The following SND1 variants were observed in gnomAD, a reference collection of about 807,000 sequenced individuals.
SND1 encodes the protein staphylococcal nuclease and tudor domain containing 1.
SND1 carries 38 observed loss-of-function variants against 121.7 expected under a neutral mutation model. The ratio of observed to expected loss-of-function variants is 0.31; its 90% CI spans 0.24 to 0.41. The LOEUF is 0.41. SND1 is among the 10% of genes least tolerant of loss of function. The pLI is 1.00. For missense variants in SND1, 868 were observed against 1,184.6 expected (o/e 0.73, Z 3.92); for synonymous variants, 401 against 447.4 (o/e 0.90, Z 1.31).
At chr7:127,688,417 A>G (rs1258166830) in intron 2 of SND1, among the ~76,000 whole-genome samples, 2 of 152,016 alleles carry the variant, frequency 1.3e-5, no homozygotes, top group South Asian at 2.1e-4. Context: ...GTCAGAAATG[A>G]AATTTCTGGG....
At chr7:127,942,237 G>T (rs1417212939) in intron 15 of SND1, among the ~76,000 whole-genome samples, 4 of 152,132 alleles carry the variant, frequency 2.6e-5, no homozygotes, top group Admixed American at 1.3e-4. Flanking sequence ...AATAGTGTAT[G>T]CCTTCAAGGG....
intron 14 of SND1, among the ~76,000 whole-genome samples, chr7:127,917,454 T>C (rs1190150916): frequency 6.6e-6 from 1 of 152,174 alleles, no homozygotes; most frequent in African/African-American, 2.4e-5. Context: ...AGGAACAAAT[T>C]TTTATTCTCA....
chr7:127,731,239 A>C (rs1371690185), intron 10 of SND1, among the ~76,000 whole-genome samples: 2 of 152,242 alleles, frequency 1.3e-5, no homozygotes, highest in African/African-American at 2.4e-5. Flanking sequence ...GAGCGAGTGC[A>C]CTGTGCTCTG....
chr7:127,756,837 C>A (rs926517823), intron 10 of SND1, among the ~76,000 whole-genome samples: 3 of 152,134 alleles, frequency 2.0e-5, no homozygotes, highest in Admixed American at 6.5e-5. Context: ...TTTTCAGGTT[C>A]TCTTCCTAAT....
chr7:128,019,982 T>C (rs952525012), intron 16 of SND1, among the ~76,000 whole-genome samples: 5 of 152,194 alleles, frequency 3.3e-5, no homozygotes, highest in African/African-American at 1.2e-4. Flanking sequence ...AGGGTCTGCA[T>C]GACCTTGAAC....
intron 12 of SND1, among the ~76,000 whole-genome samples, chr7:127,852,506 A>AG (rs1014047580): frequency 2.7e-5 from 4 of 150,856 alleles, no homozygotes; most frequent in Non-Finnish European, 5.9e-5. Flanking sequence ...AAAAAAAAAA[A>AG]AGAAAAAAGG....
intron 1 of SND1, among the ~76,000 whole-genome samples, chr7:127,674,272 C>G (rs1333718870): frequency 6.6e-6 from 1 of 152,186 alleles, no homozygotes; most frequent in Non-Finnish European, 1.5e-5. Context: ...GGGCCCTCTT[C>G]TTTAGTGGAT....
At chr7:127,923,479 G>A (rs1057357762) in intron 14 of SND1, among the ~76,000 whole-genome samples, 4 of 152,150 alleles carry the variant, frequency 2.6e-5, no homozygotes, top group Admixed American at 2.6e-4. Context: ...TTTCAAATTT[G>A]AAAGTGCTTT....
intron 10 of SND1, among the ~76,000 whole-genome samples, chr7:127,747,068 A>C (rs184519206): frequency 5.9e-5 from 9 of 152,344 alleles, no homozygotes; most frequent in African/African-American, 1.9e-4. Flanking sequence ...TTCAGCATGC[A>C]TGAGATGTTT....
chr7:127,899,599 G>T (rs1800187162), intron 13 of SND1, among the ~76,000 whole-genome samples: 1 of 152,196 alleles, frequency 6.6e-6, no homozygotes, highest in Admixed American at 6.5e-5. Flanking sequence ...TGAAAGCCAA[G>T]TCTGAGAATT....
rs991079797 is a variant in SND1 at position 127,822,661 on chromosome 7, T to C, written c.1242+15088T>C. Among the ~76,000 whole-genome samples, 3 of 152,334 alleles carry C rather than the reference T, an allele frequency of 2.0e-5. No homozygotes were observed. In the South Asian group the frequency reaches 6.2e-4, roughly 32 times the overall value. On this transcript the variant is annotated intron_variant, in intron 11 of 23. Coordinates refer to ENST00000354725, the MANE Select transcript of SND1 (RefSeq NM_014390.4). The stretch of plus-strand genomic sequence containing the variant: ...AGGGTAGCATCTGTTAATACTTGAG[T>C]GTGTATTACTCTAATCCTTTTTTAA...
rs1044650113 is a variant in SND1 at position 127,972,409 on chromosome 7, A to G, written c.1670-18538A>G. Among the ~76,000 whole-genome samples, 7 of 151,888 alleles carry G rather than the reference A, an allele frequency of 4.6e-5. 1 individual carries two copies. Among genetic ancestry groups the G allele is most frequent in the African/African-American group, 1.7e-4 (7 of 41,336 alleles). Reference sequence around the variant, plus strand: ...CCCAAGTAGCTGGGACTATAGGTTCATGTCACACCATGCTAATTTTTATAT... The same window carrying G: ...CCCAAGTAGCTGGGACTATAGGTTCGTGTCACACCATGCTAATTTTTATAT... On this transcript the variant is annotated intron_variant, in intron 15 of 23. Transcript: ENST00000354725.
At chr7:128,088,446 C>CTTTTTTTTTT (rs1047161140) in intron 21 of SND1, among the ~76,000 whole-genome samples, 1 of 80,112 alleles carries the variant, frequency 1.2e-5, no homozygotes, top group Non-Finnish European at 2.3e-5. Flanking sequence ...CCCTATCTCT[C>CTTTTTTTTTT]TTTTTTTTTT....
intron 10 of SND1, among the ~76,000 whole-genome samples, chr7:127,775,655 T>C (rs1326490361): frequency 6.6e-6 from 1 of 151,996 alleles, no homozygotes; most frequent in African/African-American, 2.4e-5. Context: ...TTGTATCTCT[T>C]CCTAAGCATC....
At position 128,028,608 on chromosome 7, in the gene SND1, C is replaced by G. The variant is rs531951263; in HGVS notation, c.1779+37552C>G. The G allele has an allele frequency of 2.1e-4, 298 of 1,424,490 alleles. No homozygotes were observed. In the African/African-American group the frequency reaches 4.0e-3, roughly 19 times the overall value. The allele number at this position is 1,424,490 out of a possible 1,614,324, so 88.2% of individuals were successfully genotyped here. ...AGCATATACAAGAAAAAGTCTCTCC[C>G]CACTCTGTACAAAAGTTGCTGTCTT... On this transcript the variant is annotated intron_variant, in intron 16 of 23. Transcript: ENST00000354725.
chr7:127,803,473 A>T (rs1463318206), intron 10 of SND1, among the ~76,000 whole-genome samples: 3 of 152,196 alleles, frequency 2.0e-5, no homozygotes, highest in South Asian at 2.1e-4. Flanking sequence ...CTATTAAAAA[A>T]TTTTTATTTT....
chr7:127,869,109 A>G (rs981811790), intron 12 of SND1, among the ~76,000 whole-genome samples: 5 of 152,140 alleles, frequency 3.3e-5, no homozygotes, highest in African/African-American at 9.7e-5. Flanking sequence ...CGAGGGGGAA[A>G]TTTTTTAGTA....
Position 128,084,758 on chromosome 7 carries a change from C to G in SND1, c.2145C>G (p.Arg715=). The G allele has an allele frequency of 6.2e-7, 1 of 1,610,278 alleles. No individual in the cohort carries two copies. Among genetic ancestry groups the G allele is most frequent in the East Asian group, 2.2e-5 (1 of 44,704 alleles). ...TGGAGAAGCTGATGGAGAACATGCG[C>G]AATGACATTGCCAGTCACCCCCCTG... ...TQLEKLMENM[R]NDIASHPPVE... is the part of the protein sequence containing the mutation. Residue 715 remains arginine, a synonymous_variant, in exon 19 of 24, where the codon CGC becomes CGG. Transcript: ENST00000354725.
At chr7:127,990,265 A>C (rs149935044) in intron 15 of SND1, among the ~76,000 whole-genome samples, 121 of 152,312 alleles carry the variant, frequency 7.9e-4, no homozygotes, top group Non-Finnish European at 2.2e-4. Context: ...AATTTGGCTA[A>C]GGTCACACAG....
Sources: gnomAD v4.1 joint callset for allele counts (sites outside exome capture counted in the v4.1 genomes callset) on GRCh38, gnomAD v4.1.1 for gene constraint, MANE v1.5 for transcripts, NCBI Gene and HGNC (gene_info 2026-07-23, HGNC 2026-07-21) for gene names.